The following INSL6 variants were observed in gnomAD, a reference collection of about 807,000 sequenced individuals.
INSL6 encodes the protein insulin like 6.
A neutral mutation model predicts 9.4 loss-of-function variants in INSL6; 16 were observed. The observed-to-expected ratio is 1.70, with a 90% CI of 1.15 to 2.59. The LOEUF (loss-of-function observed/expected upper bound fraction) is 2.59. Ranked by LOEUF, INSL6 falls within the 30% of genes most tolerant of loss-of-function variation. The pLI, the probability that INSL6 is intolerant of heterozygous loss-of-function variation, is 0.00. For missense variants in INSL6, 391 were observed against 257.3 expected (o/e 1.52, Z -3.56); for synonymous variants, 154 against 96.9 (o/e 1.59, Z -3.46).
chr9:5,009,957 G>A, the INSL6 span, among the ~76,000 whole-genome samples: 1 of 152,066 alleles, frequency 6.6e-6, no homozygotes, highest in African/African-American at 2.4e-5. Flanking sequence ...CTTTTTTGTA[G>A]AGACAGGGTC....
At chr9:5,140,714 CA>C (rs1564037512) in intron 2 of INSL6, among the ~76,000 whole-genome samples, 2 of 126,546 alleles carry the variant, frequency 1.6e-5, no homozygotes, top group Non-Finnish European at 3.2e-5. Context: ...GGTGGGGATT[CA>C]TTTTTTTTTC....
chr9:5,177,710 C>A (rs757938807), intron 1 of INSL6, among the ~76,000 whole-genome samples: 1 of 152,162 alleles, frequency 6.6e-6, no homozygotes, highest in African/African-American at 2.4e-5. Flanking sequence ...CCACCTGAAA[C>A]GGGACAGAGT....
the INSL6 span, among the ~76,000 whole-genome samples, chr9:5,096,190 A>C: frequency 6.6e-6 from 1 of 152,098 alleles, no homozygotes; most frequent in Non-Finnish European, 1.5e-5. Context: ...CACAAAACCC[A>C]TATTACTCCT....
chr9:5,141,727 A>T (rs958486054), intron 2 of INSL6, among the ~76,000 whole-genome samples: 2 of 152,100 alleles, frequency 1.3e-5, no homozygotes, highest in Non-Finnish European at 2.9e-5. Flanking sequence ...GTTTAATTAG[A>T]TCCCATTTAT....
the INSL6 span, chr9:5,080,241 G>A: frequency 6.2e-7 from 1 of 1,611,592 alleles, no homozygotes; most frequent in South Asian, 1.1e-5. Flanking sequence ...CTTCAGGAGA[G>A]AATACCATGG....
intron 2 of INSL6, among the ~76,000 whole-genome samples, chr9:5,147,774 T>G (rs114541657): frequency 0.011 from 1,621 of 152,322 alleles, 35 homozygotes; most frequent in African/African-American, 0.038. Flanking sequence ...TTTGACTGCG[T>G]TGATTTGAAA....
chr9:5,114,368 G>A, the INSL6 span: 75 of 530,330 alleles, frequency 1.4e-4, no homozygotes, highest in Middle Eastern at 4.9e-4. Context: ...GCAATGGCAC[G>A]TTCACCATCA....
At chr9:5,022,070 A>T in the INSL6 span, 1 of 1,614,144 alleles carries the variant, frequency 6.2e-7, no homozygotes, top group Non-Finnish European at 8.5e-7. Flanking sequence ...ATTTCTGGAA[A>T]TGCCAATTCT....
At chr9:4,999,274 A>G in the INSL6 span, among the ~76,000 whole-genome samples, 1 of 152,196 alleles carries the variant, frequency 6.6e-6, no homozygotes, top group Non-Finnish European at 1.5e-5. Flanking sequence ...TATTCATCTT[A>G]GATTTCTTGT....
chr9:5,001,692 A>G, the INSL6 span, among the ~76,000 whole-genome samples: 1 of 151,826 alleles, frequency 6.6e-6, no homozygotes, highest in African/African-American at 2.4e-5. Context: ...GCCACATAAA[A>G]TGATTTGGAA....
the INSL6 span, among the ~76,000 whole-genome samples, chr9:5,075,760 T>G: frequency 6.6e-6 from 1 of 152,176 alleles, no homozygotes; most frequent in Non-Finnish European, 1.5e-5. Context: ...AAGGAGTTAT[T>G]TCAACTTTCA....
chr9:5,044,378 A>T, the INSL6 span: 3 of 1,435,680 alleles, frequency 2.1e-6, no homozygotes, highest in Middle Eastern at 1.8e-4. Flanking sequence ...TTGGAAGCTG[A>T]CCAAATGTTT....
the INSL6 span, among the ~76,000 whole-genome samples, chr9:5,106,583 A>G: frequency 6.6e-6 from 1 of 152,242 alleles, no homozygotes; most frequent in Non-Finnish European, 1.5e-5. Flanking sequence ...TCATGCTGCT[A>G]TAAAGACACA....
At chr9:4,997,968 G>C in the INSL6 span, among the ~76,000 whole-genome samples, 4 of 151,704 alleles carry the variant, frequency 2.6e-5, no homozygotes, top group East Asian at 7.7e-4. Flanking sequence ...AATTATTTCA[G>C]AGGAATATCT....
chr9:5,043,141 G>T, the INSL6 span, among the ~76,000 whole-genome samples: 4 of 152,234 alleles, frequency 2.6e-5, no homozygotes, highest in Non-Finnish European at 5.9e-5. Flanking sequence ...GCAGGTGTAT[G>T]TGCAGGGGGG....
chr9:5,065,146 C>A, the INSL6 span: 1 of 681,970 alleles, frequency 1.5e-6, no homozygotes. Flanking sequence ...AATAATTTGA[C>A]AAGTTTTTTT....
the INSL6 span, among the ~76,000 whole-genome samples, chr9:5,075,635 T>C: frequency 6.6e-6 from 1 of 152,206 alleles, no homozygotes; most frequent in Admixed American, 6.5e-5. Flanking sequence ...TTTCAAAGTA[T>C]TACTGATCAT....
intron 1 of INSL6, 142 bp downstream of exon 1, chr9:5,185,172 A>C (rs1825540032): frequency 3.0e-6 from 3 of 1,009,258 alleles, no homozygotes; most frequent in Non-Finnish European, 4.5e-6. Context: ...TATTTTCAAT[A>C]CACTGTTTTT....
chr9:5,131,858 C>T (rs1383555729), intron 3 of INSL6: 1 of 151,782 alleles, frequency 6.6e-6, no homozygotes, highest in Non-Finnish European at 1.5e-5. Context: ...TTACTGACTA[C>T]AGTTAAGAGG....
Sources: gnomAD v4.1 joint callset for allele counts (sites outside exome capture counted in the v4.1 genomes callset) on GRCh38, gnomAD v4.1.1 for gene constraint, MANE v1.5 for transcripts, NCBI Gene and HGNC (gene_info 2026-07-23, HGNC 2026-07-21) for gene names.